Variants in GRID2 observed in about 807,000 individuals in gnomAD.
The protein encoded by GRID2 is glutamate receptor ionotropic, delta-2.
GRID2 carries 33 observed loss-of-function variants against 114.8 expected under a neutral mutation model. That is an observed-to-expected ratio of 0.29 (90% confidence interval 0.22 to 0.38). The LOEUF (loss-of-function observed/expected upper bound fraction) is 0.38. GRID2 is among the 10% of genes least tolerant of loss of function. The pLI is 1.00. For synonymous variants in GRID2, 505 were observed against 449.9 expected (o/e 1.12, Z -1.55); for missense variants, 1,184 against 1,257.7 (o/e 0.94, Z 0.89).
In GRID2 at chr4:92,472,209, AGG is replaced by A. The variant is rs1487936770; in HGVS notation, c.89-117921_89-117920del. Among the ~76,000 whole-genome samples the A allele has an allele frequency of 9.8e-5, 6 of 60,916 alleles. 1 individual carries two copies. The highest frequency in any genetic ancestry group is 2.0e-4 in the African/African-American group (2 of 10,256). 40.0% of individuals were successfully genotyped at this position (60,916 alleles called of 152,430 possible). ...CGGCCTCCCAAAGTGCTGGGATTAC[AGG>A]CGTGAGCCACCGCGCCCGGCCGTTA... On this transcript the variant is annotated intron_variant, in intron 1 of 15. Coordinates refer to ENST00000282020, the MANE Select transcript of GRID2 (RefSeq NM_001510.4).
At chr4:92,578,733 AATCTATCTATCTATCT>A in intron 1 of GRID2, among the ~76,000 whole-genome samples, 1 of 149,452 alleles carries the variant, frequency 6.7e-6, no homozygotes, top group African/African-American at 2.5e-5. Context: ...TCTATCTATC[AATCTATCTATCTATCT>A]ATCTATCTAT....
chr4:93,052,794 C>G (rs1726851755), intron 2 of GRID2, among the ~76,000 whole-genome samples: 1 of 151,792 alleles, frequency 6.6e-6, no homozygotes. Context: ...TCAGATACTC[C>G]AGAGGAACTC....
intron 4 of GRID2, among the ~76,000 whole-genome samples, chr4:93,190,054 A>G (rs1347801673): frequency 6.6e-6 from 1 of 152,054 alleles, no homozygotes; most frequent in Non-Finnish European, 1.5e-5. Context: ...CTTTGCATTT[A>G]TTTTTTATAT....
chr4:93,284,755 T>C (rs1415360281), intron 8 of GRID2, among the ~76,000 whole-genome samples: 1 of 151,890 alleles, frequency 6.6e-6, no homozygotes, highest in Non-Finnish European at 1.5e-5. Context: ...AATTAATTTG[T>C]ATGAAATATA....
At chr4:93,381,081 T>G (rs1763810172) in intron 8 of GRID2, among the ~76,000 whole-genome samples, 1 of 152,102 alleles carries the variant, frequency 6.6e-6, no homozygotes, top group Non-Finnish European at 1.5e-5. Flanking sequence ...AATACACATA[T>G]AAAATATACC....
rs561755274 is a variant in GRID2, at chr4:93,215,399, A to G, written c.790-1339A>G. ...TAACTTTAAAAGATGTCTGGTTAAA[A>G]TCAGGACTTCAAATGGAGTTGACAG... On this transcript the variant is annotated intron_variant, in intron 5 of 15. Transcript: ENST00000282020. Among the ~76,000 whole-genome samples, 8 of 152,170 alleles carry G rather than the reference A, an allele frequency of 5.3e-5. No homozygotes were observed. In the South Asian group the frequency reaches 1.7e-3, roughly 32 times the overall value.
intron 2 of GRID2, among the ~76,000 whole-genome samples, chr4:92,660,549 T>C (rs1424907683): frequency 2.0e-5 from 3 of 151,244 alleles, no homozygotes; most frequent in Admixed American, 1.3e-4. Flanking sequence ...GTGTATTACT[T>C]AGAAGAGTCT....
chr4:93,621,245 A>T (rs1234777832), intron 13 of GRID2, among the ~76,000 whole-genome samples: 8 of 152,202 alleles, frequency 5.3e-5, no homozygotes, highest in Non-Finnish European at 1.2e-4. Flanking sequence ...TATCTCAGGC[A>T]CTATTACGAG....
At chr4:93,625,771 G>A (rs905718602) in intron 13 of GRID2, among the ~76,000 whole-genome samples, 1 of 151,910 alleles carries the variant, frequency 6.6e-6, no homozygotes, top group African/African-American at 2.4e-5. Context: ...AAAAATTAGC[G>A]GGGCGCGGTG....
At chr4:93,542,737 A>G (rs1578223455) in intron 13 of GRID2, among the ~76,000 whole-genome samples, 1 of 152,180 alleles carries the variant, frequency 6.6e-6, no homozygotes, top group East Asian at 1.9e-4. Flanking sequence ...CAGGGCACCC[A>G]GCCTCTGCCT....
intron 8 of GRID2, among the ~76,000 whole-genome samples, chr4:93,339,340 T>C (rs992485342): frequency 3.9e-5 from 6 of 152,188 alleles, no homozygotes; most frequent in African/African-American, 1.4e-4. Context: ...AGTAATCTAA[T>C]ATGACTGGTG....
intron 1 of GRID2, among the ~76,000 whole-genome samples, chr4:92,503,049 G>C (rs1324716013): frequency 6.6e-6 from 1 of 151,936 alleles, no homozygotes; most frequent in Non-Finnish European, 1.5e-5. Flanking sequence ...CTTATTACAG[G>C]TGGTTTTAAA....
intron 14 of GRID2, among the ~76,000 whole-genome samples, chr4:93,743,906 C>A (rs1020569424): frequency 6.6e-6 from 1 of 152,136 alleles, no homozygotes; most frequent in African/African-American, 2.4e-5. Flanking sequence ...TTCAGAGCTT[C>A]AAAGGACAGC....
chr4:93,607,347 A>T (rs2149653965), intron 13 of GRID2, among the ~76,000 whole-genome samples: 1 of 152,240 alleles, frequency 6.6e-6, no homozygotes, highest in South Asian at 2.1e-4. Context: ...TTCTGCAAAC[A>T]CATCGTAGAA....
At chr4:93,132,322 T>G (rs925939927) in intron 4 of GRID2, among the ~76,000 whole-genome samples, 7 of 152,232 alleles carry the variant, frequency 4.6e-5, no homozygotes, top group Non-Finnish European at 1.0e-4. Flanking sequence ...GTTTGCCTTA[T>G]GTAGCATGAA....
At chr4:92,959,263 G>T (rs1407787595) in intron 2 of GRID2, among the ~76,000 whole-genome samples, 1 of 150,934 alleles carries the variant, frequency 6.6e-6, no homozygotes, top group Non-Finnish European at 1.5e-5. Flanking sequence ...CCTTTTCCTA[G>T]TTTCCTAAGA....
At chr4:93,634,501 T>C (rs1721239572) in intron 14 of GRID2, among the ~76,000 whole-genome samples, 1 of 152,174 alleles carries the variant, frequency 6.6e-6, no homozygotes, top group Non-Finnish European at 1.5e-5. Flanking sequence ...TTGCCACAAC[T>C]CTGTGCATTG....
At chr4:92,305,222 CG>C (rs1450317632) in intron 1 of GRID2, among the ~76,000 whole-genome samples, 2 of 152,134 alleles carry the variant, frequency 1.3e-5, no homozygotes, top group Admixed American at 6.5e-5. Context: ...GGTTTTGCAA[CG>C]TGAGCCGGCT....
intron 8 of GRID2, among the ~76,000 whole-genome samples, chr4:93,381,798 A>G (rs1470100902): frequency 1.3e-5 from 2 of 152,128 alleles, no homozygotes; most frequent in Non-Finnish European, 2.9e-5. Flanking sequence ...TTGTTACAAT[A>G]ATAGTAGCTT....
Sources: allele counts gnomAD v4.1 joint callset (sites outside exome capture counted in the v4.1 genomes callset), GRCh38; gene constraint gnomAD v4.1.1; transcripts MANE v1.5; gene names NCBI Gene and HGNC (gene_info 2026-07-23, HGNC 2026-07-21).